The following VARS2 variants were observed in gnomAD, a reference collection of about 807,000 sequenced individuals.
VARS2 encodes the protein valyl-tRNA synthetase 2, mitochondrial.
In VARS2, 105 loss-of-function variants were observed where a neutral mutation model predicts 154.1. The observed-to-expected ratio is 0.68, with a 90% CI of 0.58 to 0.80. VARS2 has a LOEUF of 0.80. VARS2 is among the 30% of genes least tolerant of loss of function. VARS2 has a pLI of 0.00. For synonymous variants in VARS2, 483 were observed against 539.5 expected (o/e 0.90, Z 1.45); for missense variants, 1,157 against 1,361.4 (o/e 0.85, Z 2.36).
rs1794567669 is a variant in VARS2, at chr6:30,922,261, C to T, written c.1932+20C>T. 7 of 1,604,702 alleles carry T rather than the reference C, an allele frequency of 4.4e-6. No individual in the cohort carries two copies. Among genetic ancestry groups the T allele is most frequent in the Non-Finnish European group, 5.1e-6 (6 of 1,176,200 alleles). On this transcript the variant is annotated intron_variant, in intron 20 of 29. Transcript: ENST00000676266. ...AGCAAGGTAAGAGCCCTTCAGTGCC[C>T]TGCCGCTTTCTGTGACTCCAGTGTT...
rs752136645 is a variant in VARS2, at chr6:30,924,549, G to T, written c.2662G>T (p.Ala888Ser). 4 of 1,530,548 alleles carry T rather than the reference G, an allele frequency of 2.6e-6. No homozygotes were observed. The Admixed American group carries it at 7.8e-5, about 30-fold the overall frequency. The allele number at this position is 1,530,548 out of a possible 1,614,324, so 94.8% of individuals were successfully genotyped here. The change falls in exon 26 of 30, where the codon GCC becomes TCC. Residue 888 changes from alanine (A) to serine (S), a missense_variant. Transcript: ENST00000676266. The part of the protein sequence containing the change: ...PSISVAPYPS[A>S]CSLEHWRQPE... ...CATCTCGGTTGCCCCCTACCCCAGC[G>T]CCTGCAGCTTGGTGAGTCCCAAGCA...
chr6:30,914,934 AGCCCCATG>A lies in VARS2; in HGVS notation c.100_107del (p.Pro34IlefsTer9). ...TTTCACTCCGTTTCTACACAGTCGG[AGCCCCATG>A]GATCTCCCATCTCCCGGAGGAACCG... On this transcript the variant is annotated frameshift_variant, in exon 2 of 30. Coordinates refer to ENST00000676266, the MANE Select transcript of VARS2 (RefSeq NM_020442.6). LOFTEE classifies it high-confidence loss of function. 6.2e-7 allele frequency: 1 copy of A among 1,613,018 alleles called. No individual in the cohort carries two copies. The highest frequency in any genetic ancestry group is 8.5e-7 in the Non-Finnish European group (1 of 1,180,028).
rs375511414 is a variant in VARS2 at position 30,926,214 on chromosome 6, A to T, written c.*4A>T. 2 of 1,612,862 alleles carry T rather than the reference A, an allele frequency of 1.2e-6. No individual in the cohort carries two copies. The highest frequency in any genetic ancestry group is 1.7e-6 in the Non-Finnish European group (2 of 1,179,836). ...CCCAGGGAGCCCGGAGCTCTAACTC[A>T]TCATCCCCATCAGTTTTCCTCCCTC... is the stretch of plus-strand genomic sequence containing the variant. On this transcript the variant is annotated 3_prime_UTR_variant, in exon 30 of 30. Transcript: ENST00000676266.
chr6:30,923,927 C>CTG, intron 25 of VARS2: 3 of 355,610 alleles, frequency 8.4e-6, no homozygotes, highest in Non-Finnish European at 1.0e-5. Flanking sequence ...CGGTGGATCC[C>CTG]CCCCGCTCCA....
At chr6:30,915,282 G>A in intron 3 of VARS2, 45 bp downstream of exon 3, 2 of 1,611,912 alleles carry the variant, frequency 1.2e-6, no homozygotes, top group Non-Finnish European at 1.7e-6. Context: ...CATATGTGTT[G>A]CCCATTTGGC....
At chr6:30,924,200 T>G in intron 25 of VARS2, 154 bp from the exon 26 acceptor site, 3 of 692,142 alleles carry the variant, frequency 4.3e-6, no homozygotes, top group Non-Finnish European at 7.7e-6. Context: ...GCTGAGTGTG[T>G]CCTGGGACTG....
At position 30,926,265 on chromosome 6, in the gene VARS2, G is replaced by C; in HGVS notation, c.*55G>C. 6.4e-7 allele frequency: 1 copy of C among 1,568,716 alleles called. No homozygotes were observed. The highest frequency in any genetic ancestry group is 8.7e-7 in the Non-Finnish European group (1 of 1,143,258). On this transcript the variant is annotated 3_prime_UTR_variant, in exon 30 of 30. Coordinates refer to ENST00000676266, the MANE Select transcript of VARS2 (RefSeq NM_020442.6). ...TCAGACCTGTCTTTGAGGACAAACA[G>C]ATTTGTCAGCTGTCAGGGTGCAGTG... is the stretch of plus-strand genomic sequence containing the variant.
Position 30,920,607 on chromosome 6 carries a change from G to A in VARS2, c.1398-61G>A, listed in dbSNP as rs1794448885. ...AGGGCCTGGCATGGCATGGGGTCTT[G>A]TGCCCCTGGGAGAAGTCACAGGGCC... On this transcript the variant is annotated intron_variant, in intron 14 of 29. Transcript: ENST00000676266. The surrounding 1 kb of genome is among the most constrained non-coding windows in gnomAD (Gnocchi z 4.6). 1 of 1,428,220 alleles carries A rather than the reference G, an allele frequency of 7.0e-7. No individual in the cohort carries two copies. Among genetic ancestry groups the A allele is most frequent in the Non-Finnish European group, 9.4e-7 (1 of 1,059,208 alleles). The allele number at this position is 1,428,220 out of a possible 1,614,324, so 88.5% of individuals were successfully genotyped here.
rs2150558296 is a variant in VARS2, at chr6:30,919,750, C to G, written c.1075-8C>G. The G allele has an allele frequency of 6.4e-7, 1 of 1,557,806 alleles. No individual in the cohort carries two copies. The highest frequency in any genetic ancestry group is 1.2e-5 in the South Asian group (1 of 83,588). ...TGCCTGTCCTTGATCCCTCTCCCTTCCCTTCAGCATCTACACGGGCGACAG... is the reference window on the plus strand; with the variant it reads ...TGCCTGTCCTTGATCCCTCTCCCTTGCCTTCAGCATCTACACGGGCGACAG... On this transcript the variant is annotated splice_region_variant and splice_polypyrimidine_tract_variant and intron_variant, in intron 11 of 29. Coordinates refer to ENST00000676266, the MANE Select transcript of VARS2 (RefSeq NM_020442.6). The surrounding 1 kb of genome is among the most constrained non-coding windows in gnomAD (Gnocchi z 4.5).
chr6:30,914,770 A>AC (rs756841635), intron 1 of VARS2, 40 bp from the exon 2 acceptor site: 1 of 1,567,460 alleles, frequency 6.4e-7, no homozygotes, highest in South Asian at 1.1e-5. Context: ...ACCCTTCTCC[A>AC]CCCCCATATC....
intron 26 of VARS2, 40 bp downstream of exon 26, chr6:30,924,600 G>A (rs2252760): frequency 1.8e-6 from 2 of 1,118,770 alleles, no homozygotes; most frequent in Non-Finnish European, 1.3e-6. Context: ...GTGGGTGAAT[G>A]GGGGGGAGCA....
chr6:30,914,392 T>C (rs1794002126), intron 1 of VARS2, 48 bp downstream of exon 1: 5 of 1,255,408 alleles, frequency 4.0e-6, no homozygotes, highest in East Asian at 3.1e-5. Flanking sequence ...ACGCTGCGGG[T>C]CCTGGGCCCA....
At position 30,921,721 on chromosome 6, in the gene VARS2, A is replaced by G; in HGVS notation, c.1735+30A>G. 6.3e-7 allele frequency: 1 copy of G among 1,576,668 alleles called. No individual in the cohort carries two copies. Among genetic ancestry groups the G allele is most frequent in the South Asian group, 1.2e-5 (1 of 86,162 alleles). On this transcript the variant is annotated intron_variant, in intron 18 of 29. Transcript: ENST00000676266. The surrounding 1 kb of genome is among the most constrained non-coding windows in gnomAD (Gnocchi z 4.6). ...GTGCCTGAGCTGGGGAGGGATGTAC[A>G]GGGGAGCGGGGGCCTGGGCATCTGG...
chr6:30,918,637 T>C (rs1370548157), intron 10 of VARS2, 190 bp from the exon 11 acceptor site: 7 of 712,404 alleles, frequency 9.8e-6, no homozygotes, highest in Admixed American at 5.7e-5. Flanking sequence ...AGACCTCTGG[T>C]CATCAGCTTA....
Position 30,914,843 on chromosome 6 carries a change from C to T in VARS2, c.7C>T (p.His3Tyr), listed in dbSNP as rs754245897. ...CCCTTTCCAAACACTCCTGATGCCT[C>T]ATTTGCCTCTCGCCTCTTTTCGACC... is the stretch of plus-strand genomic sequence containing the variant. MP[H>Y]LPLASFRPPF... The change falls in exon 2 of 30, where the codon CAT becomes TAT. Residue 3 changes from histidine (H) to tyrosine (Y), a missense_variant. Physicochemically the swap from His to Tyr is moderately conservative, Grantham distance 83. Transcript: ENST00000676266. 3 of 1,613,116 alleles carry T rather than the reference C, an allele frequency of 1.9e-6. No individual in the cohort carries two copies. Among genetic ancestry groups the T allele is most frequent in the Non-Finnish European group, 2.5e-6 (3 of 1,180,038 alleles).
intron 1 of VARS2, 158 bp downstream of exon 1, chr6:30,914,502 T>C (rs1260317255): frequency 7.5e-7 from 1 of 1,333,888 alleles, no homozygotes; most frequent in Non-Finnish European, 9.6e-7. Context: ...CGGGACTCCT[T>C]GCTGGCTCTT....
chr6:30,914,555 ATC>A, intron 1 of VARS2: 6 of 1,328,760 alleles, frequency 4.5e-6, no homozygotes, highest in Non-Finnish European at 5.8e-6. Context: ...TCTGAGCCCT[ATC>A]TCTCATGTGT....
chr6:30,916,267 G>T lies in VARS2; in HGVS notation c.671+18G>T, dbSNP rs371583667. 75 of 1,597,946 alleles carry T rather than the reference G, an allele frequency of 4.7e-5. No individual in the cohort carries two copies. The African/African-American group carries it at 9.4e-4, about 20-fold the overall frequency. On this transcript the variant is annotated intron_variant, in intron 7 of 29. Coordinates refer to ENST00000676266, the MANE Select transcript of VARS2 (RefSeq NM_020442.6). The surrounding 1 kb of genome is among the most constrained non-coding windows in gnomAD (Gnocchi z 4.0). ...AAGGAGGCGTGAGTATGATGGGCAG[G>T]ACTCGGGGGGCCCAGATGGCAGATT...
chr6:30,919,061 C>A lies in VARS2; in HGVS notation c.1074+146C>A. The stretch of plus-strand genomic sequence containing the variant: ...GTGGTTCTGATTGGACTCCCTCCTC[C>A]TCTTATAGTTTTTCTGTAGCTCAGG... On this transcript the variant is annotated intron_variant, in intron 11 of 29. Coordinates refer to ENST00000676266, the MANE Select transcript of VARS2 (RefSeq NM_020442.6). This position sits in a 1 kb window ranked among gnomAD's most constrained non-coding sequence, Gnocchi z 4.5. 2 of 703,304 alleles carry A rather than the reference C, an allele frequency of 2.8e-6. No homozygotes were observed. Among genetic ancestry groups the A allele is most frequent in the African/African-American group, 1.8e-5 (1 of 55,872 alleles). 43.6% of individuals were successfully genotyped at this position (703,304 alleles called of 1,614,324 possible).
Sources: gnomAD v4.1 joint callset for allele counts on GRCh38, gnomAD v4.1.1 for gene constraint, Gnocchi (gnomAD v3.1) non-coding constraint, MANE v1.5 for transcripts, NCBI Gene and HGNC (gene_info 2026-07-23, HGNC 2026-07-21) for gene names.